Variants in TSPEAR observed in about 807,000 individuals in gnomAD.
The protein encoded by TSPEAR is thrombospondin type laminin G domain and EAR repeats, also known as thrombospondin-type laminin G domain and EAR repeat-containing protein.
In TSPEAR, 69 loss-of-function variants were observed where a neutral mutation model predicts 71.6. The observed-to-expected ratio is 0.96, with a 90% CI of 0.79 to 1.18. The LOEUF is 1.18. TSPEAR is among the 50% of genes most tolerant of loss of function. The pLI is 0.00. For synonymous variants in TSPEAR, 402 were observed against 387.2 expected (o/e 1.04, Z -0.45); for missense variants, 971 against 894.9 (o/e 1.09, Z -1.09).
chr21:44,704,086 T>G (rs1987788149), intron 1 of TSPEAR, among the ~76,000 whole-genome samples: 1 of 152,178 alleles, frequency 6.6e-6, no homozygotes, highest in Non-Finnish European at 1.5e-5. Context: ...GCTTTTCCAG[T>G]GCACTCTCCC....
At chr21:44,539,131 C>T in intron 2 of TSPEAR, 1 of 1,191,286 alleles carries the variant, frequency 8.4e-7, no homozygotes, top group Non-Finnish European at 1.1e-6. Flanking sequence ...AGCTGGGGAG[C>T]TGCAAGGATG....
rs954842367 is a variant in TSPEAR at position 44,710,988 on chromosome 21, C to T, written c.82+445G>A. The stretch of plus-strand genomic sequence containing the variant: ...TTGCTCATGTGGGGAAGGAGCAGGG[C>T]CGGTGTGGCCCTTCGCTTTGCTGAG... On this transcript the variant is annotated intron_variant, in intron 1 of 11. Transcript: ENST00000323084. The surrounding 1 kb of genome is among the most constrained non-coding windows in gnomAD (Gnocchi z 4.6). Among the ~76,000 whole-genome samples, 2 of 152,228 alleles carry T rather than the reference C, an allele frequency of 1.3e-5. No homozygotes were observed. The highest frequency in any genetic ancestry group is 4.8e-5 in the African/African-American group (2 of 41,456).
intron 1 of TSPEAR, among the ~76,000 whole-genome samples, chr21:44,631,470 A>G (rs782372179): frequency 2.0e-5 from 3 of 152,194 alleles, no homozygotes; most frequent in African/African-American, 7.2e-5. Flanking sequence ...TAATCCCAGC[A>G]CTTTGGGAGG....
chr21:44,556,332 C>T (rs1229178568), intron 2 of TSPEAR, among the ~76,000 whole-genome samples: 3 of 151,982 alleles, frequency 2.0e-5, no homozygotes, highest in African/African-American at 7.3e-5. Flanking sequence ...GCGGAGATTG[C>T]TCCACTGCAC....
chr21:44,609,221 T>C (rs1311535891), intron 1 of TSPEAR, among the ~76,000 whole-genome samples: 2 of 152,218 alleles, frequency 1.3e-5, no homozygotes, highest in Non-Finnish European at 2.9e-5. Flanking sequence ...AGGGATCATT[T>C]AGGACTCTGG....
At chr21:44,540,057 A>G in intron 2 of TSPEAR, 2 of 1,613,326 alleles carry the variant, frequency 1.2e-6, no homozygotes, top group Non-Finnish European at 1.7e-6. Flanking sequence ...CTGAGGGCGC[A>G]GCAGTGGGGC....
intron 1 of TSPEAR, among the ~76,000 whole-genome samples, chr21:44,658,678 G>A (rs1985315126): frequency 1.3e-5 from 2 of 152,098 alleles, no homozygotes; most frequent in Non-Finnish European, 2.9e-5. Flanking sequence ...TTGGGGGAGT[G>A]GCCTGAAGGT....
intron 1 of TSPEAR, chr21:44,678,199 T>C: frequency 2.3e-6 from 1 of 427,572 alleles, no homozygotes; most frequent in Non-Finnish European, 4.3e-6. Context: ...CCTATTGATA[T>C]GGTTTGGATC....
rs1359535685 is a variant in TSPEAR at position 44,642,160 on chromosome 21, A to G, written c.82+69273T>C. ...ATATAAATTAAATGTACTGTGTCCT[A>G]AAAAATATAAATTACCTACCCTGAG... On this transcript the variant is annotated intron_variant, in intron 1 of 11. Transcript: ENST00000323084. The surrounding 1 kb of genome is among the most constrained non-coding windows in gnomAD (Gnocchi z 4.1). Among the ~76,000 whole-genome samples the G allele has an allele frequency of 6.6e-6, 1 of 152,224 alleles. No homozygotes were observed. The highest frequency in any genetic ancestry group is 1.5e-5 in the Non-Finnish European group (1 of 68,042).
At chr21:44,636,986 C>T (rs1423644586) in intron 1 of TSPEAR, among the ~76,000 whole-genome samples, 1 of 152,208 alleles carries the variant, frequency 6.6e-6, no homozygotes, top group Non-Finnish European at 1.5e-5. Flanking sequence ...CTCTCCCAAT[C>T]TCAGCCACGC....
intron 1 of TSPEAR, chr21:44,601,908 A>G: frequency 1.0e-6 from 1 of 954,036 alleles, no homozygotes; most frequent in South Asian, 1.8e-5. Flanking sequence ...CTGTTTCTCC[A>G]AGTCTTGACT....
intron 1 of TSPEAR, among the ~76,000 whole-genome samples, chr21:44,619,625 T>C (rs368383809): frequency 6.6e-6 from 1 of 152,196 alleles, no homozygotes; most frequent in East Asian, 1.9e-4. Flanking sequence ...AGGAGAATGA[T>C]ACCTCACCAA....
At position 44,625,289 on chromosome 21, in the gene TSPEAR, T is replaced by G. The variant is rs142576223; in HGVS notation, c.83-57284A>C. On this transcript the variant is annotated intron_variant, in intron 1 of 11. Coordinates refer to ENST00000323084, the MANE Select transcript of TSPEAR (RefSeq NM_144991.3). ...AATGAGCATGAAAAGTTAGGAGACT[T>G]GGCACAGAAATACTGATGATGGGCC... Among the ~76,000 whole-genome samples the G allele has an allele frequency of 1.5e-3, 224 of 152,224 alleles. 4 individuals are homozygous for G. The East Asian group carries it at 0.039, about 26-fold the overall frequency.
intron 2 of TSPEAR, chr21:44,557,949 T>C (rs1456367123): frequency 1.0e-5 from 14 of 1,352,362 alleles, no homozygotes; most frequent in Non-Finnish European, 8.1e-6. Flanking sequence ...GGAGGTGCAG[T>C]GGCTATGGGC....
At chr21:44,610,311 G>T (rs587651130) in intron 1 of TSPEAR, among the ~76,000 whole-genome samples, 1 of 152,198 alleles carries the variant, frequency 6.6e-6, no homozygotes, top group South Asian at 2.1e-4. Flanking sequence ...GGAGGCCTGG[G>T]AGGAAAAAGT....
At chr21:44,603,122 A>T (rs408183) in intron 1 of TSPEAR, among the ~76,000 whole-genome samples, 141,102 of 152,000 alleles carry the variant, frequency 0.93, 65,562 homozygotes, top group Non-Finnish European at 0.94. Flanking sequence ...AGCAGAGCCG[A>T]CCTGCGCCTG....
intron 1 of TSPEAR, among the ~76,000 whole-genome samples, chr21:44,628,486 G>A (rs1471691610): frequency 6.6e-6 from 1 of 152,104 alleles, no homozygotes; most frequent in Non-Finnish European, 1.5e-5. Flanking sequence ...CCCCAGCTGG[G>A]GGGCCTCGGG....
At chr21:44,568,745 C>T (rs1260905737) in intron 1 of TSPEAR, among the ~76,000 whole-genome samples, 1 of 152,138 alleles carries the variant, frequency 6.6e-6, no homozygotes, top group East Asian at 1.9e-4. Flanking sequence ...CTCCTCAGCT[C>T]GGCCACTGCA....
At chr21:44,606,471 C>CA (rs1220328164) in intron 1 of TSPEAR, among the ~76,000 whole-genome samples, 2 of 152,240 alleles carry the variant, frequency 1.3e-5, no homozygotes, top group African/African-American at 4.8e-5. Context: ...AGCGGTTCCT[C>CA]AAAAAACTAA....
Sources: gnomAD v4.1 joint callset for allele counts (sites outside exome capture counted in the v4.1 genomes callset) on GRCh38, gnomAD v4.1.1 for gene constraint, Gnocchi (gnomAD v3.1) non-coding constraint, MANE v1.5 for transcripts, NCBI Gene and HGNC (gene_info 2026-07-23, HGNC 2026-07-21) for gene names.